JAG1: variants seen among roughly 807,000 people sequenced by gnomAD.
JAG1 encodes the protein protein jagged-1.
Under a neutral mutation model 148.7 loss-of-function variants are expected in JAG1, and 23 were observed. The observed-to-expected ratio is 0.15, with a 90% CI of 0.11 to 0.22. The LOEUF (loss-of-function observed/expected upper bound fraction) is 0.22, where lower values mean the gene tolerates loss of function less well. Ranked by LOEUF, JAG1 falls within the 10% of genes least tolerant of loss-of-function variation. The pLI is 1.00. For missense variants in JAG1, 1,054 were observed against 1,611.2 expected (o/e 0.65, Z 5.92); for synonymous variants, 572 against 598.3 (o/e 0.96, Z 0.64).
intron 3 of JAG1, among the ~76,000 whole-genome samples, chr20:10,660,288 C>T (rs778333140): frequency 6.8e-6 from 1 of 147,698 alleles, no homozygotes; most frequent in African/African-American, 2.5e-5. Flanking sequence ...ATACCTGCAG[C>T]CTGACACCCC....
Position 10,645,736 on chromosome 20 carries a change from G to C in JAG1, c.1999+235C>G. 1 of 616,812 alleles carries C rather than the reference G, an allele frequency of 1.6e-6. No individual in the cohort carries two copies. The highest frequency in any genetic ancestry group is 2.7e-5 in the East Asian group (1 of 36,662). The allele number at this position is 616,812 out of a possible 1,614,324, so 38.2% of individuals were successfully genotyped here. ...AGAAATATGACTTTCCTTGCAAGCA[G>C]GAATATTTATTACACAGTCTAATTC... On this transcript the variant is annotated intron_variant, in intron 15 of 25. Coordinates refer to ENST00000254958, the MANE Select transcript of JAG1 (RefSeq NM_000214.3). This position sits in a 1 kb window ranked among gnomAD's most constrained non-coding sequence, Gnocchi z 6.1.
At chr20:10,663,466 G>A (rs537061685) in intron 3 of JAG1, among the ~76,000 whole-genome samples, 6 of 152,284 alleles carry the variant, frequency 3.9e-5, no homozygotes, top group South Asian at 2.1e-4. Flanking sequence ...CTGGAATTGC[G>A]CTTCAATGAA....
At position 10,639,426 on chromosome 20, in the gene JAG1, G is replaced by A. The variant is rs1189761362; in HGVS notation, c.*72C>T. The A allele has an allele frequency of 2.5e-5, 34 of 1,352,262 alleles. No homozygotes were observed. Among genetic ancestry groups the A allele is most frequent in the East Asian group, 1.8e-4 (8 of 43,692 alleles). 83.8% of individuals were successfully genotyped at this position (1,352,262 alleles called of 1,614,324 possible). ...CTAAGTCAGCAACGGCCTCAGACTC[G>A]AGTATGACACGACAGTTTAAAGAAC... On this transcript the variant is annotated 3_prime_UTR_variant, in exon 26 of 26. Transcript: ENST00000254958.
At position 10,673,218 on chromosome 20, in the gene JAG1, G is replaced by A. The variant is rs1025783562; in HGVS notation, c.82-212C>T. Among the ~76,000 whole-genome samples, 1 of 152,268 alleles carries A rather than the reference G, an allele frequency of 6.6e-6. No homozygotes were observed. Among genetic ancestry groups the A allele is most frequent in the Middle Eastern group, 3.4e-3 (1 of 294 alleles). ...GGAAGAAATCCGACGACTTCCCGGG[G>A]GGCAACAGCGGAGCGAACGCGCCCC... On this transcript the variant is annotated intron_variant, in intron 1 of 25. Transcript: ENST00000254958. This position sits in a 1 kb window ranked among gnomAD's most constrained non-coding sequence, Gnocchi z 4.7.
rs1687192202 is a variant in JAG1 at position 10,649,223 on chromosome 20, T to C, written c.1349-116A>G. The C allele has an allele frequency of 1.4e-5, 11 of 770,780 alleles. No homozygotes were observed. The South Asian group carries it at 1.5e-4, about 11-fold the overall frequency. The allele number at this position is 770,780 out of a possible 1,614,324, so 47.7% of individuals were successfully genotyped here. On this transcript the variant is annotated intron_variant, in intron 10 of 25. Transcript: ENST00000254958. ...TTTCAAATCAGATTTCCTGTGTGCT[T>C]TCCGTGAGATAAGGTTATTACGCTG...
rs572440041 is a variant in JAG1 at position 10,647,297 on chromosome 20, G to C, written c.1721-194C>G. On this transcript the variant is annotated intron_variant, in intron 13 of 25. Transcript: ENST00000254958. Reference sequence around the variant, plus strand: ...AGGCAAAGTTGAGACTCCAGGCAAAGAGTTTTAAAGCATTTTCTCCCTCCA... The same window carrying C: ...AGGCAAAGTTGAGACTCCAGGCAAACAGTTTTAAAGCATTTTCTCCCTCCA... 78 of 643,350 alleles carry C rather than the reference G, an allele frequency of 1.2e-4. No individual in the cohort carries two copies. The South Asian group carries it at 1.4e-3, about 11-fold the overall frequency. 39.9% of individuals were successfully genotyped at this position (643,350 alleles called of 1,614,324 possible).
At chr20:10,644,543 C>A in intron 18 of JAG1, 159 bp from the exon 19 acceptor site, 1 of 704,394 alleles carries the variant, frequency 1.4e-6, no homozygotes. Flanking sequence ...CCGCACCACA[C>A]TTAGTTTCAT....
intron 2 of JAG1, among the ~76,000 whole-genome samples, chr20:10,664,838 C>T (rs1051679927): frequency 7.2e-5 from 11 of 152,166 alleles, no homozygotes; most frequent in African/African-American, 2.7e-4. Flanking sequence ...ACTGAAGGCA[C>T]CTTTTATCTT....
At chr20:10,664,373 AACACACACACACACAC>A (rs59417356) in intron 2 of JAG1, among the ~76,000 whole-genome samples, 15 of 144,686 alleles carry the variant, frequency 1.0e-4, no homozygotes, top group East Asian at 8.2e-4. Flanking sequence ...TGCATGAGGA[AACACACACACACACAC>A]ACACACACAC....
intron 3 of JAG1, among the ~76,000 whole-genome samples, chr20:10,661,734 A>C (rs181616456): frequency 1.3e-5 from 2 of 152,282 alleles, no homozygotes; most frequent in East Asian, 3.9e-4. Context: ...TGGAGAAAGC[A>C]CTAGAGGTGA....
chr20:10,673,198 A>T lies in JAG1; in HGVS notation c.82-192T>A, dbSNP rs2067510417. Among the ~76,000 whole-genome samples the T allele has an allele frequency of 6.7e-6, 1 of 150,088 alleles. No individual in the cohort carries two copies. Among genetic ancestry groups the T allele is most frequent in the Admixed American group, 6.6e-5 (1 of 15,090 alleles). Reference sequence around the variant, plus strand: ...AAAAAAAAATGCACGAGTGCGGAAGAAATCCGACGACTTCCCGGGGGGCAA... The same window carrying T: ...AAAAAAAAATGCACGAGTGCGGAAGTAATCCGACGACTTCCCGGGGGGCAA... On this transcript the variant is annotated intron_variant, in intron 1 of 25. Transcript: ENST00000254958. This position sits in a 1 kb window ranked among gnomAD's most constrained non-coding sequence, Gnocchi z 4.7.
intron 13 of JAG1, among the ~76,000 whole-genome samples, chr20:10,647,621 C>A (rs544006822): frequency 1.3e-5 from 2 of 152,242 alleles, no homozygotes; most frequent in Admixed American, 1.3e-4. Context: ...CGTGCAGATA[C>A]AGAACATCCC....
At chr20:10,644,723 C>A in intron 18 of JAG1, 140 bp downstream of exon 18, 1 of 766,230 alleles carries the variant, frequency 1.3e-6, no homozygotes. Context: ...GGCTGTATCC[C>A]ATCAAGTCAT....
chr20:10,644,875 T>G lies in JAG1; in HGVS notation c.2332A>C (p.Ile778Leu), dbSNP rs750874909. ...CVCKEGWEGP[I>L]CAQNTNDCSP... ...GGAGGACACTCACTCTGAGCACAGATGGGCCCCTCCCAGCCTTCCTTGCAG... is the reference window on the plus strand; with the variant it reads ...GGAGGACACTCACTCTGAGCACAGAGGGGCCCCTCCCAGCCTTCCTTGCAG... Residue 778 changes from isoleucine (I) to leucine (L), a missense_variant, in exon 18 of 26, where the codon ATC becomes CTC. Around this residue, in one of 6 missense-constraint regions of JAG1, gnomAD observed 342 missense variants for 514.6 expected, o/e 0.66. Transcript: ENST00000254958. 6.2e-7 allele frequency: 1 copy of G among 1,613,054 alleles called. No homozygotes were observed. Among genetic ancestry groups the G allele is most frequent in the Non-Finnish European group, 8.5e-7 (1 of 1,178,978 alleles).
At chr20:10,670,334 C>A (rs1568806010) in intron 2 of JAG1, among the ~76,000 whole-genome samples, 1 of 152,156 alleles carries the variant, frequency 6.6e-6, no homozygotes, top group Non-Finnish European at 1.5e-5. Flanking sequence ...ATTGTGCCTG[C>A]TAGGGGTTGG....
At chr20:10,663,226 A>C (rs945907994) in intron 3 of JAG1, among the ~76,000 whole-genome samples, 2 of 152,240 alleles carry the variant, frequency 1.3e-5, no homozygotes, top group African/African-American at 2.4e-5. Context: ...CAGCGACCGC[A>C]ACCCAAACTC....
At chr20:10,644,247 G>A (rs2067292225) in intron 19 of JAG1, 110 bp downstream of exon 19, 2 of 1,002,598 alleles carry the variant, frequency 2.0e-6, no homozygotes, top group Non-Finnish European at 3.1e-6. Flanking sequence ...CTCAGAACTT[G>A]CATTTTAAAC....
intron 5 of JAG1, among the ~76,000 whole-genome samples, chr20:10,652,891 G>T (rs927716526): frequency 2.0e-5 from 3 of 152,094 alleles, no homozygotes; most frequent in African/African-American, 7.2e-5. Context: ...AGCCAAAGGT[G>T]AAGGCATGGA....
chr20:10,644,279 C>CAG, intron 19 of JAG1, 78 bp downstream of exon 19: 1 of 593,698 alleles, frequency 1.7e-6, no homozygotes, highest in Admixed American at 3.3e-5. Flanking sequence ...GTGATTCTCA[C>CAG]ACACACACAC....
Sources: allele counts gnomAD v4.1 joint callset (sites outside exome capture counted in the v4.1 genomes callset), GRCh38; gene constraint gnomAD v4.1.1; regional missense constraint gnomAD v4.1.1; non-coding constraint Gnocchi (gnomAD v3.1); transcripts MANE v1.5; gene names NCBI Gene and HGNC (gene_info 2026-07-23, HGNC 2026-07-21).